ABCC8: variants seen among roughly 807,000 people sequenced by gnomAD.
ABCC8 encodes ATP binding cassette subfamily C member 8.
Under a neutral mutation model 188.0 loss-of-function variants are expected in ABCC8, and 137 were observed. The ratio of observed to expected loss-of-function variants is 0.73; its 90% CI spans 0.63 to 0.84. The LOEUF is 0.84. ABCC8 is among the 40% of genes least tolerant of loss of function. ABCC8 has a pLI of 0.00. For synonymous variants in ABCC8, 797 were observed against 846.5 expected (o/e 0.94, Z 1.01); for missense variants, 1,750 against 2,072.7 (o/e 0.84, Z 3.02).
intron 10 of ABCC8, among the ~76,000 whole-genome samples, chr11:17,441,838 T>G (rs1956327625): frequency 6.6e-6 from 1 of 152,184 alleles, no homozygotes; most frequent in Non-Finnish European, 1.5e-5. Context: ...TTCCAGCACT[T>G]TGGGAGGCTG....
intron 4 of ABCC8, 149 bp from the exon 5 acceptor site, chr11:17,461,974 G>A: frequency 7.2e-7 from 1 of 1,392,992 alleles, no homozygotes; most frequent in Non-Finnish European, 9.5e-7. Context: ...ACCAGGAAAA[G>A]GATTCCCCAA....
chr11:17,450,276 TTC>T (rs1564958906), intron 7 of ABCC8, among the ~76,000 whole-genome samples: 1 of 130,962 alleles, frequency 7.6e-6, no homozygotes, highest in South Asian at 2.6e-4. Flanking sequence ...CTTTCTTTCT[TTC>T]TTTCTTTCTT....
At chr11:17,414,237 T>C (rs181403534) in intron 19 of ABCC8, among the ~76,000 whole-genome samples, 1 of 152,260 alleles carries the variant, frequency 6.6e-6, no homozygotes, top group Non-Finnish European at 1.5e-5. Flanking sequence ...CAGAGAGAGC[T>C]AGCTAGCCCT....
At chr11:17,422,888 A>G (rs1564916067) in intron 16 of ABCC8, among the ~76,000 whole-genome samples, 1 of 151,888 alleles carries the variant, frequency 6.6e-6, no homozygotes, top group African/African-American at 2.4e-5. Flanking sequence ...TGCCCACACC[A>G]TCACCCCTGC....
chr11:17,415,884 C>T (rs1188593049), intron 17 of ABCC8, among the ~76,000 whole-genome samples: 1 of 152,194 alleles, frequency 6.6e-6, no homozygotes, highest in Non-Finnish European at 1.5e-5. Flanking sequence ...AGAAGACAAC[C>T]ACGGAATGTG....
At position 17,404,688 on chromosome 11, in the gene ABCC8, A is replaced by G. The variant is rs1203303147; in HGVS notation, c.3400-19T>C. On this transcript the variant is annotated intron_variant, in intron 27 of 38. Transcript: ENST00000389817. This position sits in a 1 kb window ranked among gnomAD's most constrained non-coding sequence, Gnocchi z 4.7. ...GGATGTGCTGAGGGAGACGAGGGGG[A>G]GAGAGTGAGGTGAATTTTGGTATTG... 6.3e-7 allele frequency: 1 copy of G among 1,590,048 alleles called. No homozygotes were observed. Among genetic ancestry groups the G allele is most frequent in the East Asian group, 2.3e-5 (1 of 43,614 alleles).
intron 12 of ABCC8, chr11:17,430,565 G>A (rs1344240071): frequency 4.2e-6 from 2 of 479,872 alleles, no homozygotes; most frequent in Non-Finnish European, 7.6e-6. Context: ...TTTTTTTTAA[G>A]TTGTCGTGAA....
At chr11:17,445,966 CTT>C (rs66845960) in intron 8 of ABCC8, among the ~76,000 whole-genome samples, 54 of 134,194 alleles carry the variant, frequency 4.0e-4, no homozygotes, top group Admixed American at 3.8e-4. Flanking sequence ...AACCTGATTT[CTT>C]TTTTTTTTTT....
intron 6 of ABCC8, among the ~76,000 whole-genome samples, chr11:17,454,534 T>C (rs1370096380): frequency 6.6e-6 from 1 of 151,598 alleles, no homozygotes; most frequent in East Asian, 1.9e-4. Context: ...AGGGAGGAGG[T>C]CGAAGGTAGA....
intron 22 of ABCC8, among the ~76,000 whole-genome samples, chr11:17,409,249 G>T (rs537816739): frequency 6.6e-6 from 1 of 151,908 alleles, no homozygotes; most frequent in Non-Finnish European, 1.5e-5. Flanking sequence ...TAGCCACCGC[G>T]CCCGGCTCAA....
rs1212244434 is a variant in ABCC8 at position 17,443,206 on chromosome 11, T to C, written c.1439A>G (p.Lys480Arg). Residue 480 changes from lysine (K) to arginine (R), a missense_variant, in exon 9 of 39, where the codon AAG (lysine) becomes AGG (arginine). Lys to Arg is a conservative substitution (Grantham distance 26). Coordinates refer to ENST00000389817, the MANE Select transcript of ABCC8 (RefSeq NM_000352.6). ...LAPVQYFVAT[K>R]LSQAQRSTLE... Reference sequence around the variant, plus strand: ...TGTGCTCCGCTGGGCCTGAGACAGCTTGGTGGCCACGAAGTACTGGACAGG... The same window carrying C: ...TGTGCTCCGCTGGGCCTGAGACAGCCTGGTGGCCACGAAGTACTGGACAGG... 1.9e-6 allele frequency: 3 copies of C among 1,614,138 alleles called. No homozygotes were observed. In the South Asian group the frequency reaches 3.3e-5, roughly 18 times the overall value.
chr11:17,448,811 G>A lies in ABCC8; in HGVS notation c.1177-140C>T, dbSNP rs932826965. ...TAGAGCAGCTCTGTAAGGTGGTACT[G>A]TATCACCGTTCCAACTTACTAGTCT... On this transcript the variant is annotated intron_variant, in intron 7 of 38. Transcript: ENST00000389817. The A allele has an allele frequency of 5.1e-6, 7 of 1,375,998 alleles. 1 individual carries two copies. The highest frequency in any genetic ancestry group is 2.9e-5 in the African/African-American group (2 of 70,164). 85.2% of individuals were successfully genotyped at this position (1,375,998 alleles called of 1,614,324 possible). A position where few individuals can be genotyped will look rare whatever the true frequency, so the allele number is the denominator to read the frequency against.
intron 2 of ABCC8, among the ~76,000 whole-genome samples, chr11:17,471,140 C>T (rs534864471): frequency 3.9e-5 from 6 of 152,360 alleles, no homozygotes; most frequent in Admixed American, 2.6e-4. Flanking sequence ...GCTGCTGTTG[C>T]CCACCAGGCT....
intron 3 of ABCC8, among the ~76,000 whole-genome samples, chr11:17,464,891 G>C (rs1003736908): frequency 1.3e-5 from 2 of 152,220 alleles, no homozygotes; most frequent in Non-Finnish European, 2.9e-5. Flanking sequence ...CCGAGTGAGG[G>C]AGAGAGACTT....
intron 16 of ABCC8, among the ~76,000 whole-genome samples, chr11:17,421,680 A>T (rs940591503): frequency 3.3e-5 from 5 of 152,214 alleles, no homozygotes; most frequent in Admixed American, 3.3e-4. Context: ...CCTCACATCA[A>T]TCTCATGGGT....
intron 26 of ABCC8, chr11:17,406,312 T>A: frequency 2.5e-6 from 1 of 396,298 alleles, no homozygotes; most frequent in Non-Finnish European, 4.6e-6. Context: ...TGGGTGGGGA[T>A]GGGCAAATTA....
At chr11:17,469,855 C>A (rs1848380806) in intron 3 of ABCC8, among the ~76,000 whole-genome samples, 2 of 151,610 alleles carry the variant, frequency 1.3e-5, no homozygotes, top group African/African-American at 4.9e-5. Context: ...ATTGCCCCTA[C>A]CCCTTACTCA....
At chr11:17,441,723 CCTCA>C (rs1176483018) in intron 10 of ABCC8, among the ~76,000 whole-genome samples, 1 of 152,124 alleles carries the variant, frequency 6.6e-6, no homozygotes, top group African/African-American at 2.4e-5. Context: ...CTCCGTAAGC[CCTCA>C]CTCTGACCAG....
In ABCC8 at chr11:17,394,287, C is replaced by T. The variant is rs553746345; in HGVS notation, c.4524G>A (p.Thr1508=). 39 of 1,613,920 alleles carry T rather than the reference C, an allele frequency of 2.4e-5. No homozygotes were observed. Among genetic ancestry groups the T allele is most frequent in the South Asian group, 1.9e-4 (17 of 91,090 alleles). ...CAACCGTGGCCATGTCAATGGAAGC[C>T]GTGGCCTCGTCCATGATGAAGATGC... The part of the protein sequence containing the change: ...KTSIFIMDEA[T]ASIDMATENI... Residue 1508 remains threonine, a synonymous_variant, in exon 37 of 39, where the codon ACG becomes ACA. Coordinates refer to ENST00000389817, the MANE Select transcript of ABCC8 (RefSeq NM_000352.6).
Sources: allele counts gnomAD v4.1 joint callset (sites outside exome capture counted in the v4.1 genomes callset), GRCh38; gene constraint gnomAD v4.1.1; non-coding constraint Gnocchi (gnomAD v3.1); transcripts MANE v1.5; gene names NCBI Gene and HGNC (gene_info 2026-07-23, HGNC 2026-07-21).